Variants in ALK observed in about 807,000 individuals in gnomAD.
ALK encodes ALK tyrosine kinase receptor.
ALK carries 74 observed loss-of-function variants against 163.1 expected under a neutral mutation model. The observed-to-expected ratio is 0.45, with a 90% confidence interval of 0.38 to 0.55. The LOEUF is 0.55. ALK is among the 20% of genes least tolerant of loss of function. The probability of loss-of-function intolerance (pLI) is 0.00; values close to 1 mark genes in which losing one functional copy is unlikely to be tolerated. For synonymous variants in ALK, 960 were observed against 843.2 expected (o/e 1.14, Z -2.40); for missense variants, 2,063 against 2,105.3 (o/e 0.98, Z 0.39).
At chr2:29,487,715 C>G (rs1413203919) in intron 4 of ALK, among the ~76,000 whole-genome samples, 1 of 152,140 alleles carries the variant, frequency 6.6e-6, no homozygotes, top group Non-Finnish European at 1.5e-5. Context: ...TCAATGCCTG[C>G]TATGTATCAG....
chr2:29,595,152 T>C (rs1272263810), intron 3 of ALK, among the ~76,000 whole-genome samples: 1 of 152,114 alleles, frequency 6.6e-6, no homozygotes, highest in Non-Finnish European at 1.5e-5. Flanking sequence ...CAGCTTAATA[T>C]CTCAATATTA....
At chr2:29,500,307 G>A (rs886843343) in intron 4 of ALK, among the ~76,000 whole-genome samples, 4 of 152,098 alleles carry the variant, frequency 2.6e-5, no homozygotes, top group Non-Finnish European at 5.9e-5. Flanking sequence ...AAGTTTGGTT[G>A]TTTAAAAGTG....
chr2:29,782,160 C>T (rs547825454), intron 1 of ALK, among the ~76,000 whole-genome samples: 2 of 152,222 alleles, frequency 1.3e-5, no homozygotes, highest in African/African-American at 4.8e-5. Flanking sequence ...AATTGCTTTG[C>T]AAGAGTCTTA....
intron 2 of ALK, among the ~76,000 whole-genome samples, chr2:29,716,999 A>C (rs866506463): frequency 0.73 from 73,746 of 101,238 alleles, 28,752 homozygotes; most frequent in Non-Finnish European, 0.8. Flanking sequence ...AAAAATCCAA[A>C]AAAAAAAAAA....
At chr2:29,269,981 A>G (rs966820472) in intron 11 of ALK, among the ~76,000 whole-genome samples, 3 of 152,234 alleles carry the variant, frequency 2.0e-5, no homozygotes, top group African/African-American at 7.2e-5. Flanking sequence ...CTCTGTTGAA[A>G]CGAAAACTAA....
intron 1 of ALK, among the ~76,000 whole-genome samples, chr2:29,718,129 T>A (rs1050884493): frequency 9.9e-5 from 15 of 152,224 alleles, no homozygotes; most frequent in East Asian, 1.9e-4. Context: ...CTTGGGTTAT[T>A]GCCTTATCAA....
chr2:29,806,907 G>T (rs1003044886), intron 1 of ALK, among the ~76,000 whole-genome samples: 4 of 152,216 alleles, frequency 2.6e-5, no homozygotes, highest in African/African-American at 9.6e-5. Flanking sequence ...AAAGACCACA[G>T]GTCTGTGTTA....
chr2:29,693,433 A>G (rs1678460841), intron 3 of ALK, among the ~76,000 whole-genome samples: 1 of 150,418 alleles, frequency 6.6e-6, no homozygotes, highest in African/African-American at 2.5e-5. Flanking sequence ...ACACACACAC[A>G]CACAGACACA....
At chr2:29,283,510 G>A (rs1050240953) in intron 9 of ALK, among the ~76,000 whole-genome samples, 3 of 152,116 alleles carry the variant, frequency 2.0e-5, no homozygotes, top group East Asian at 3.9e-4. Context: ...TGACAATGGC[G>A]AGAAGACCCA....
At chr2:29,476,722 C>A (rs1449160265) in intron 4 of ALK, among the ~76,000 whole-genome samples, 1 of 151,788 alleles carries the variant, frequency 6.6e-6, no homozygotes, top group African/African-American at 2.4e-5. Context: ...GTGAGGCTGC[C>A]CAGGGAAGAC....
At chr2:29,885,732 C>G (rs72794333) in intron 1 of ALK, among the ~76,000 whole-genome samples, 9,574 of 152,162 alleles carry the variant, frequency 0.063, 436 homozygotes, top group East Asian at 0.14. Flanking sequence ...GAAGCAGTTC[C>G]AGAAAACAAA....
intron 5 of ALK, among the ~76,000 whole-genome samples, chr2:29,351,845 C>T (rs1166720567): frequency 4.6e-5 from 7 of 152,244 alleles, no homozygotes; most frequent in East Asian, 1.9e-4. Context: ...AGAAGTGGCA[C>T]TTAACTGGGG....
intron 6 of ALK, 124 bp from the exon 7 acceptor site, chr2:29,321,006 G>T: frequency 8.3e-7 from 1 of 1,211,828 alleles, no homozygotes; most frequent in Non-Finnish European, 1.2e-6. Context: ...TCCCCAGCCA[G>T]AATGCTGGAT....
chr2:29,509,556 A>G (rs1672452285), intron 4 of ALK, among the ~76,000 whole-genome samples: 2 of 152,114 alleles, frequency 1.3e-5, no homozygotes, highest in Non-Finnish European at 2.9e-5. Flanking sequence ...CATGAATCCT[A>G]GGAACTTTTA....
intron 3 of ALK, among the ~76,000 whole-genome samples, chr2:29,645,244 A>G (rs1676838648): frequency 6.6e-6 from 1 of 152,178 alleles, no homozygotes. Context: ...GTTTAATGAG[A>G]GTCTGGAAAT....
chr2:29,715,109 C>A (rs766561990), intron 2 of ALK, among the ~76,000 whole-genome samples: 2 of 152,226 alleles, frequency 1.3e-5, no homozygotes, highest in Non-Finnish European at 2.9e-5. Flanking sequence ...GGCACAGGGC[C>A]AAGCACCCAG....
intron 4 of ALK, among the ~76,000 whole-genome samples, chr2:29,528,134 C>T (rs1673010592): frequency 6.6e-6 from 1 of 152,204 alleles, no homozygotes; most frequent in Admixed American, 6.5e-5. Context: ...CAACTTCTAT[C>T]CCCTTGAGGC....
chr2:29,449,934 A>T (rs1257847086), intron 4 of ALK, among the ~76,000 whole-genome samples: 1 of 152,206 alleles, frequency 6.6e-6, no homozygotes. Context: ...GGTCTTGAAG[A>T]TGGGCTAATG....
At chr2:29,869,625 A>G (rs1333488607) in intron 1 of ALK, among the ~76,000 whole-genome samples, 1 of 152,224 alleles carries the variant, frequency 6.6e-6, no homozygotes, top group African/African-American at 2.4e-5. Context: ...ACTTTATATT[A>G]AAAAATCAAA....
Sources: allele counts gnomAD v4.1 joint callset (sites outside exome capture counted in the v4.1 genomes callset), GRCh38; gene constraint gnomAD v4.1.1; transcripts MANE v1.5; gene names NCBI Gene and HGNC (gene_info 2026-07-23, HGNC 2026-07-21).